Variants in LRFN5 observed in about 807,000 individuals in gnomAD.
LRFN5 encodes leucine rich repeat and fibronectin type III domain containing 5, also known as leucine-rich repeat and fibronectin type-III domain-containing protein 5.
LRFN5 carries 24 observed loss-of-function variants against 45.6 expected under a neutral mutation model. That is an observed-to-expected ratio of 0.53 (90% CI 0.38 to 0.74). The LOEUF (loss-of-function observed/expected upper bound fraction) is 0.74. Among genes scored for constraint, LRFN5 ranks in the 30% least tolerant of loss-of-function variants. The pLI is 0.00. For synonymous variants in LRFN5, 340 were observed against 313.8 expected (o/e 1.08, Z -0.88); for missense variants, 776 against 861.5 (o/e 0.90, Z 1.24).
At chr14:41,780,091 G>A (rs991501931) in intron 2 of LRFN5, among the ~76,000 whole-genome samples, 4 of 151,628 alleles carry the variant, frequency 2.6e-5, no homozygotes, top group African/African-American at 9.7e-5. Context: ...AAATATCTCC[G>A]TAGGCAGTGC....
At chr14:41,781,616 G>GAAAGAAAGAAAGAA (rs1317274535) in intron 2 of LRFN5, among the ~76,000 whole-genome samples, 2 of 59,670 alleles carry the variant, frequency 3.4e-5, no homozygotes, top group Admixed American at 1.7e-4. Flanking sequence ...AAGAAAGAAA[G>GAAAGAAAGAAAGAA]AGAAAGAAAG....
At chr14:41,862,214 C>G (rs1289232761) in intron 2 of LRFN5, among the ~76,000 whole-genome samples, 1 of 152,146 alleles carries the variant, frequency 6.6e-6, no homozygotes, top group Non-Finnish European at 1.5e-5. Flanking sequence ...TGGACTAATA[C>G]ACTCATGTTT....
intron 1 of LRFN5, among the ~76,000 whole-genome samples, chr14:41,721,774 T>C (rs4624078): frequency 0.17 from 25,526 of 152,142 alleles, 2,328 homozygotes; most frequent in Non-Finnish European, 0.22. Flanking sequence ...TGTAATCTAG[T>C]CTTTTTCTCA....
chr14:41,773,375 T>C (rs944530362), intron 2 of LRFN5, among the ~76,000 whole-genome samples: 1 of 152,216 alleles, frequency 6.6e-6, no homozygotes, highest in South Asian at 2.1e-4. Context: ...CATAGCATCA[T>C]ATACCTGTAT....
At chr14:41,675,331 C>G (rs527714538) in intron 1 of LRFN5, among the ~76,000 whole-genome samples, 39 of 152,366 alleles carry the variant, frequency 2.6e-4, no homozygotes, top group African/African-American at 7.7e-4. Flanking sequence ...CTGAGTGAAC[C>G]AGACTCCGTC....
At chr14:41,652,698 A>G (rs959548924) in intron 1 of LRFN5, among the ~76,000 whole-genome samples, 1 of 152,158 alleles carries the variant, frequency 6.6e-6, no homozygotes, top group Non-Finnish European at 1.5e-5. Flanking sequence ...TTCTCTTAAA[A>G]TGCAATGTTC....
At chr14:41,738,659 G>A (rs972282948) in intron 1 of LRFN5, among the ~76,000 whole-genome samples, 5 of 152,070 alleles carry the variant, frequency 3.3e-5, no homozygotes, top group African/African-American at 7.2e-5. Flanking sequence ...TCAAGATCCC[G>A]TTTTATACAT....
At chr14:41,610,661 T>TAAAAAAAAAAAAAAAAAAA (rs199770856) in intron 1 of LRFN5, among the ~76,000 whole-genome samples, 587 of 37,258 alleles carry the variant, frequency 0.016, 128 homozygotes, top group Non-Finnish European at 0.028. Flanking sequence ...CCAGGGAAGG[T>TAAAAAAAAAAAAAAAAAAA]AAAAAAAAAA....
At chr14:41,673,386 C>CG (rs1200614875) in intron 1 of LRFN5, among the ~76,000 whole-genome samples, 25 of 142,208 alleles carry the variant, frequency 1.8e-4, no homozygotes, top group African/African-American at 6.6e-4. Context: ...GCTGGCCGGG[C>CG]AGGGGGCTGA....
chr14:41,824,867 AG>A (rs770913529), intron 2 of LRFN5, among the ~76,000 whole-genome samples: 52 of 152,060 alleles, frequency 3.4e-4, no homozygotes, highest in Non-Finnish European at 6.8e-4. Flanking sequence ...GGTCTCTGCA[AG>A]GGGAGAGGGG....
At chr14:41,739,474 A>G (rs957594155) in intron 1 of LRFN5, among the ~76,000 whole-genome samples, 2 of 151,422 alleles carry the variant, frequency 1.3e-5, no homozygotes, top group Admixed American at 6.6e-5. Flanking sequence ...TTAATGACAC[A>G]TAGGACAAAG....
intron 1 of LRFN5, among the ~76,000 whole-genome samples, chr14:41,612,669 C>T (rs1319515115): frequency 6.6e-6 from 1 of 152,082 alleles, no homozygotes; most frequent in African/African-American, 2.4e-5. Context: ...CCCATGGCAT[C>T]CTTCAATCAT....
At position 41,806,897 on chromosome 14, in the gene LRFN5, A is replaced by G. The variant is rs535960008; in HGVS notation, c.-21+39868A>G. 2.1e-4 allele frequency among the ~76,000 whole-genome samples: 32 copies of G among 152,256 alleles called. No individual in the cohort carries two copies. The South Asian group carries it at 6.4e-3, about 31-fold the overall frequency. ...AACCTTTAACAGTCAAAATTGCAGC[A>G]GCCTGGGAATCTAGAGCCTTTCTGA... is the stretch of plus-strand genomic sequence containing the variant. On this transcript the variant is annotated intron_variant, in intron 2 of 5. Transcript: ENST00000298119.
chr14:41,829,794 C>A (rs1436779780), intron 2 of LRFN5, among the ~76,000 whole-genome samples: 2 of 150,756 alleles, frequency 1.3e-5, no homozygotes, highest in South Asian at 2.1e-4. Flanking sequence ...TTTAGTAATA[C>A]TTTTTTTTTA....
intron 2 of LRFN5, among the ~76,000 whole-genome samples, chr14:41,786,535 CTTT>C (rs1437867176): frequency 1.8e-5 from 2 of 112,478 alleles, no homozygotes; most frequent in Non-Finnish European, 3.6e-5. Context: ...GAATTTTCCT[CTTT>C]ATGAGTTTTT....
intron 5 of LRFN5, among the ~76,000 whole-genome samples, chr14:41,900,519 C>T (rs1205437087): frequency 6.6e-6 from 1 of 151,950 alleles, no homozygotes; most frequent in African/African-American, 2.4e-5. Flanking sequence ...AAGAAAATAT[C>T]ATTAAAAATA....
chr14:41,868,717 G>T (rs1466512230), intron 2 of LRFN5, among the ~76,000 whole-genome samples: 1 of 152,086 alleles, frequency 6.6e-6, no homozygotes, highest in East Asian at 1.9e-4. Context: ...ACTAGTCTTA[G>T]GACACATTGA....
chr14:41,757,881 A>G (rs542914287), intron 1 of LRFN5, among the ~76,000 whole-genome samples: 1 of 152,124 alleles, frequency 6.6e-6, no homozygotes, highest in East Asian at 1.9e-4. Context: ...ACCTGTTCCT[A>G]TTCGGCCATC....
chr14:41,710,344 A>G (rs896962090), intron 1 of LRFN5, among the ~76,000 whole-genome samples: 1 of 152,184 alleles, frequency 6.6e-6, no homozygotes, highest in Non-Finnish European at 1.5e-5. Flanking sequence ...ATCATGGCTT[A>G]TTAAAGTTAC....
Sources: gnomAD v4.1 joint callset for allele counts (sites outside exome capture counted in the v4.1 genomes callset) on GRCh38, gnomAD v4.1.1 for gene constraint, MANE v1.5 for transcripts, NCBI Gene and HGNC (gene_info 2026-07-23, HGNC 2026-07-21) for gene names.